CCBE1: variants seen among roughly 807,000 people sequenced by gnomAD.
The protein encoded by CCBE1 is collagen and calcium binding EGF domains 1.
Under a neutral mutation model 50.0 loss-of-function variants are expected in CCBE1, and 37 were observed. The observed-to-expected ratio is 0.74, with a 90% CI of 0.57 to 0.97. CCBE1 has a LOEUF of 0.97. Among genes scored for constraint, CCBE1 ranks in the 50% least tolerant of loss-of-function variants. CCBE1 has a pLI of 0.00. For synonymous variants in CCBE1, 234 were observed against 203.7 expected, an observed-to-expected ratio of 1.15 and a Z score of -1.27; for missense variants, 538 against 523.8, an observed-to-expected ratio of 1.03 and a Z score of -0.26.
At chr18:59,572,101 A>G (rs950486112) in intron 2 of CCBE1, among the ~76,000 whole-genome samples, 1 of 152,178 alleles carries the variant, frequency 6.6e-6, no homozygotes, top group Non-Finnish European at 1.5e-5. Context: ...AATGAAAAGA[A>G]TTTTTTTACT....
At chr18:59,525,810 G>GACTA (rs1279624346) in intron 2 of CCBE1, among the ~76,000 whole-genome samples, 1 of 151,694 alleles carries the variant, frequency 6.6e-6, no homozygotes, top group East Asian at 2.0e-4. Context: ...TTCTGCATAT[G>GACTA]ACTAGCCAGT....
chr18:59,594,338 G>C (rs2053319388), intron 2 of CCBE1, among the ~76,000 whole-genome samples: 1 of 152,232 alleles, frequency 6.6e-6, no homozygotes, highest in African/African-American at 2.4e-5. Flanking sequence ...GCCAGGGCTA[G>C]TGTAGTCAAA....
intron 2 of CCBE1, among the ~76,000 whole-genome samples, chr18:59,655,326 G>T (rs1337634426): frequency 2.0e-5 from 3 of 152,178 alleles, no homozygotes; most frequent in Non-Finnish European, 4.4e-5. Context: ...GAGTGGGAGA[G>T]CCAGTCCCTG....
At chr18:59,606,452 T>TAAC (rs1360747396) in intron 2 of CCBE1, among the ~76,000 whole-genome samples, 6 of 152,230 alleles carry the variant, frequency 3.9e-5, no homozygotes, top group African/African-American at 1.4e-4. Context: ...TCTGCATACT[T>TAAC]AACAGGACTG....
intron 2 of CCBE1, among the ~76,000 whole-genome samples, chr18:59,573,284 A>AAT (rs71336346): frequency 0.048 from 4,535 of 93,518 alleles, 608 homozygotes; most frequent in African/African-American, 0.15. Flanking sequence ...GACTCCGTCT[A>AAT]ATATATATAT....
At chr18:59,446,046 T>C (rs565228603) in intron 7 of CCBE1, among the ~76,000 whole-genome samples, 5 of 152,310 alleles carry the variant, frequency 3.3e-5, no homozygotes, top group African/African-American at 1.2e-4. Flanking sequence ...GCTTCCCTAA[T>C]AAGTCTCAGT....
At chr18:59,436,858 G>A (rs1298628316) in intron 10 of CCBE1, among the ~76,000 whole-genome samples, 1 of 152,088 alleles carries the variant, frequency 6.6e-6, no homozygotes, top group Non-Finnish European at 1.5e-5. Context: ...TGTGGACCCA[G>A]CTACTTGGGA....
At chr18:59,685,025 T>C (rs2054638060) in intron 2 of CCBE1, among the ~76,000 whole-genome samples, 1 of 152,168 alleles carries the variant, frequency 6.6e-6, no homozygotes, top group Non-Finnish European at 1.5e-5. Flanking sequence ...TGTTTGATAC[T>C]CACAAGGAAA....
At chr18:59,544,070 A>G (rs1221913077) in intron 2 of CCBE1, among the ~76,000 whole-genome samples, 1 of 152,208 alleles carries the variant, frequency 6.6e-6, no homozygotes, top group African/African-American at 2.4e-5. Flanking sequence ...TGCTCTATTT[A>G]AATTTTATCT....
At chr18:59,484,509 A>C (rs1912722176) in intron 2 of CCBE1, among the ~76,000 whole-genome samples, 1 of 152,246 alleles carries the variant, frequency 6.6e-6, no homozygotes, top group South Asian at 2.1e-4. Flanking sequence ...GACCTTTATG[A>C]GCATTTCAAG....
chr18:59,524,149 C>T (rs563154477), intron 2 of CCBE1, among the ~76,000 whole-genome samples: 18 of 152,234 alleles, frequency 1.2e-4, no homozygotes, highest in African/African-American at 3.6e-4. Context: ...CATGAAACTG[C>T]GTTTCCACTA....
At chr18:59,622,801 CA>C (rs1303288095) in intron 2 of CCBE1, among the ~76,000 whole-genome samples, 20 of 65,744 alleles carry the variant, frequency 3.0e-4, no homozygotes, top group South Asian at 1.6e-3. Context: ...GATTCCATCT[CA>C]AAAAAAAAAG....
At chr18:59,506,854 A>C (rs926397454) in intron 2 of CCBE1, among the ~76,000 whole-genome samples, 2 of 152,216 alleles carry the variant, frequency 1.3e-5, no homozygotes, top group Non-Finnish European at 2.9e-5. Context: ...GTATCAACCT[A>C]AATTTTTGCT....
At chr18:59,607,442 A>T (rs915621277) in intron 2 of CCBE1, among the ~76,000 whole-genome samples, 3 of 152,198 alleles carry the variant, frequency 2.0e-5, no homozygotes, top group African/African-American at 7.2e-5. Flanking sequence ...AATTTCAAAC[A>T]ACAGACATAT....
At chr18:59,695,457 C>T (rs550164642) in intron 2 of CCBE1, among the ~76,000 whole-genome samples, 2 of 152,174 alleles carry the variant, frequency 1.3e-5, no homozygotes, top group Non-Finnish European at 2.9e-5. Context: ...GAGAAAGGAG[C>T]CTTTCCTAAG....
chr18:59,492,581 T>C (rs1472965029), intron 2 of CCBE1, among the ~76,000 whole-genome samples: 1 of 152,192 alleles, frequency 6.6e-6, no homozygotes, highest in Non-Finnish European at 1.5e-5. Context: ...GCGGAGGTGA[T>C]GAGCCATTTT....
At chr18:59,628,380 A>T (rs1307868243) in intron 2 of CCBE1, among the ~76,000 whole-genome samples, 1 of 152,052 alleles carries the variant, frequency 6.6e-6, no homozygotes, top group African/African-American at 2.4e-5. Flanking sequence ...ACAAAATGGT[A>T]TTTTTTCCTA....
At chr18:59,566,115 C>T (rs2052822261) in intron 2 of CCBE1, among the ~76,000 whole-genome samples, 1 of 152,218 alleles carries the variant, frequency 6.6e-6, no homozygotes, top group African/African-American at 2.4e-5. Context: ...ACTGCAACAG[C>T]AACCGTGGCT....
intron 2 of CCBE1, among the ~76,000 whole-genome samples, chr18:59,645,552 A>G (rs1018820997): frequency 2.6e-5 from 4 of 152,222 alleles, no homozygotes; most frequent in African/African-American, 9.6e-5. Context: ...CTCTACTCTC[A>G]GCCATGAAAA....
Sources: gnomAD v4.1 joint callset for allele counts (sites outside exome capture counted in the v4.1 genomes callset) on GRCh38, gnomAD v4.1.1 for gene constraint, MANE v1.5 for transcripts, NCBI Gene and HGNC (gene_info 2026-07-23, HGNC 2026-07-21) for gene names.